DNAJC10: variants seen among roughly 807,000 people sequenced by gnomAD.
The protein encoded by DNAJC10 is DnaJ heat shock protein family (Hsp40) member C10.
Under a neutral mutation model 115.0 loss-of-function variants are expected in DNAJC10, and 101 were observed. The observed-to-expected ratio is 0.88, with a 90% CI of 0.75 to 1.04. The LOEUF is 1.04. DNAJC10 is among the 50% of genes least tolerant of loss of function. The pLI is 0.00. For synonymous variants in DNAJC10, 307 were observed against 301.5 expected (o/e 1.02, Z -0.19); for missense variants, 981 against 928.8 (o/e 1.06, Z -0.73).
intron 17 of DNAJC10, among the ~76,000 whole-genome samples, chr2:182,755,418 G>A (rs1159094777): frequency 3.4e-5 from 5 of 146,526 alleles, no homozygotes; most frequent in Non-Finnish European, 5.9e-5. Flanking sequence ...GAAAACAAGT[G>A]TCTGGCATCT....
intron 17 of DNAJC10, among the ~76,000 whole-genome samples, chr2:182,755,508 A>T (rs1694136018): frequency 6.6e-6 from 1 of 151,536 alleles, no homozygotes; most frequent in Non-Finnish European, 1.5e-5. Flanking sequence ...AAAAAAAAGA[A>T]AATTTCTAGT....
rs748192603 is a variant in DNAJC10, at chr2:182,743,732, A to G, written c.1306+20A>G. The G allele has an allele frequency of 8.6e-6, 13 of 1,513,818 alleles. No homozygotes were observed. In the East Asian group the frequency reaches 2.5e-4, roughly 29 times the overall value. The allele number at this position is 1,513,818 out of a possible 1,614,324, so 93.8% of individuals were successfully genotyped here. ...ATCATGGTAAGAATGGAAAAAAATGATAAAAAAAAACTTAGCTTCATTTTC... is the reference window on the plus strand; with the variant it reads ...ATCATGGTAAGAATGGAAAAAAATGGTAAAAAAAAACTTAGCTTCATTTTC... On this transcript the variant is annotated intron_variant, in intron 14 of 23. Coordinates refer to ENST00000264065, the MANE Select transcript of DNAJC10 (RefSeq NM_018981.4).
Position 182,757,673 on chromosome 2 carries a change from T to G in DNAJC10, c.1810-19T>G. 2.0e-6 allele frequency: 3 copies of G among 1,488,638 alleles called. No individual in the cohort carries two copies. Among genetic ancestry groups the G allele is most frequent in the Non-Finnish European group, 2.7e-6 (3 of 1,118,146 alleles). 92.2% of individuals were successfully genotyped at this position (1,488,638 alleles called of 1,614,324 possible). A position where few individuals can be genotyped will look rare whatever the true frequency, so the allele number is the denominator to read the frequency against. On this transcript the variant is annotated intron_variant, in intron 18 of 23. Transcript: ENST00000264065. The stretch of plus-strand genomic sequence containing the variant: ...CATATGTAAAAAGTTATGGAGGTAA[T>G]CTGTTTTTTCTTTTACAGACATTAA...
At chr2:182,769,403 T>A (rs1694501592) in intron 22 of DNAJC10, among the ~76,000 whole-genome samples, 1 of 152,208 alleles carries the variant, frequency 6.6e-6, no homozygotes, top group Non-Finnish European at 1.5e-5. Flanking sequence ...ATCGCCACAC[T>A]GTCTTACACA....
At chr2:182,749,240 A>G (rs1693952573) in intron 14 of DNAJC10, among the ~76,000 whole-genome samples, 1 of 129,502 alleles carries the variant, frequency 7.7e-6, no homozygotes, top group Admixed American at 7.8e-5. Flanking sequence ...TGATCTGTCT[A>G]ATGTTGACAG....
At chr2:182,775,732 GATAA>G (rs747108333) in intron 23 of DNAJC10, among the ~76,000 whole-genome samples, 7 of 152,190 alleles carry the variant, frequency 4.6e-5, no homozygotes, top group Non-Finnish European at 5.9e-5. Flanking sequence ...TCAACTGACA[GATAA>G]ATGAAATGTG....
intron 4 of DNAJC10, among the ~76,000 whole-genome samples, chr2:182,721,146 A>C (rs991791851): frequency 6.6e-6 from 1 of 152,192 alleles, no homozygotes; most frequent in Non-Finnish European, 1.5e-5. Context: ...CCTCAAATGC[A>C]GGCTAAGAAC....
At chr2:182,750,701 A>G (rs1340991417) in intron 14 of DNAJC10, among the ~76,000 whole-genome samples, 1 of 152,234 alleles carries the variant, frequency 6.6e-6, no homozygotes, top group African/African-American at 2.4e-5. Flanking sequence ...GTTACAATGT[A>G]CTGAATACCA....
intron 22 of DNAJC10, 89 bp from the exon 23 acceptor site, chr2:182,775,227 A>G (rs1694674531): frequency 2.4e-6 from 2 of 824,768 alleles, no homozygotes; most frequent in African/African-American, 3.5e-5. Context: ...GAACAAAAGA[A>G]CTTGAAAGCA....
intron 18 of DNAJC10, among the ~76,000 whole-genome samples, chr2:182,757,085 A>C (rs1334951720): frequency 6.6e-6 from 1 of 152,034 alleles, no homozygotes; most frequent in Non-Finnish European, 1.5e-5. Flanking sequence ...TAAAAGTAAG[A>C]AAAAAAAGCT....
rs1277364624 is a variant in DNAJC10 at position 182,789,740 on chromosome 2, G to A, written c.*12608G>A. On this transcript the variant is annotated 3_prime_UTR_variant, in exon 24 of 24. Transcript: ENST00000264065. Reference sequence around the variant, plus strand: ...AGTAATTCTATTTTTAATATGGGGGGACCTCCATACTGTTTTTCATAGCAG... The same window carrying A: ...AGTAATTCTATTTTTAATATGGGGGAACCTCCATACTGTTTTTCATAGCAG... 6.6e-6 allele frequency: 1 copy of A among 151,926 alleles called. No homozygotes were observed. The highest frequency in any genetic ancestry group is 2.4e-5 in the African/African-American group (1 of 41,322). 9.4% of individuals were successfully genotyped at this position (151,926 alleles called of 1,614,324 possible). A position where few individuals can be genotyped will look rare whatever the true frequency, so the allele number is the denominator to read the frequency against.
intron 2 of DNAJC10, among the ~76,000 whole-genome samples, chr2:182,717,343 C>G (rs1693020405): frequency 6.6e-6 from 1 of 152,150 alleles, no homozygotes; most frequent in Non-Finnish European, 1.5e-5. Context: ...TGTTTTTCTA[C>G]TATTTTTAAA....
chr2:182,733,262 A>G (rs902214822), intron 10 of DNAJC10, among the ~76,000 whole-genome samples: 2 of 151,812 alleles, frequency 1.3e-5, no homozygotes, highest in African/African-American at 2.4e-5. Flanking sequence ...TTTGGCGGCT[A>G]TTTATTTCTC....
In DNAJC10 at chr2:182,779,612, G is replaced by A. The variant is rs1694796900; in HGVS notation, c.*2480G>A. 6.6e-6 allele frequency: 1 copy of A among 152,058 alleles called. No individual in the cohort carries two copies. Among genetic ancestry groups the A allele is most frequent in the Non-Finnish European group, 1.5e-5 (1 of 67,996 alleles). 9.4% of individuals were successfully genotyped at this position (152,058 alleles called of 1,614,324 possible). ...AAATTATGTTTTGGGCATTAATGAT[G>A]TTTGTCTATTCTGATTTCTCAAATT... On this transcript the variant is annotated 3_prime_UTR_variant, in exon 24 of 24. Transcript: ENST00000264065.
In DNAJC10 at chr2:182,720,066, A is replaced by G. The variant is rs1402562256; in HGVS notation, c.264A>G (p.Lys88=). 1 of 1,605,962 alleles carries G rather than the reference A, an allele frequency of 6.2e-7. No individual in the cohort carries two copies. Among genetic ancestry groups the G allele is most frequent in the Non-Finnish European group, 8.5e-7 (1 of 1,172,922 alleles). ...LKINRAYEVL[K]DEDLRKKYDK... ...TAAATAGAGCATATGAAGTACTCAAAGATGAAGATCTACGGAAAAAGTATG... is the reference window on the plus strand; with the variant it reads ...TAAATAGAGCATATGAAGTACTCAAGGATGAAGATCTACGGAAAAAGTATG... The change falls in exon 4 of 24, where the codon AAA becomes AAG. Residue 88 remains lysine (K), a synonymous_variant. Coordinates refer to ENST00000264065, the MANE Select transcript of DNAJC10 (RefSeq NM_018981.4).
intron 22 of DNAJC10, among the ~76,000 whole-genome samples, chr2:182,766,463 A>T (rs1292013800): frequency 6.6e-6 from 1 of 152,210 alleles, no homozygotes; most frequent in Non-Finnish European, 1.5e-5. Flanking sequence ...ACTATACACC[A>T]TGTAAGCAGA....
At chr2:182,755,253 T>G (rs1694128116) in intron 17 of DNAJC10, 149 bp downstream of exon 17, 1 of 623,270 alleles carries the variant, frequency 1.6e-6, no homozygotes, top group Non-Finnish European at 2.9e-6. Context: ...TTTCTAATGT[T>G]TTACTCTTCT....
intron 8 of DNAJC10, 61 bp from the exon 9 acceptor site, chr2:182,730,969 G>A (rs890415195): frequency 1.8e-6 from 2 of 1,132,114 alleles, no homozygotes; most frequent in Non-Finnish European, 2.6e-6. Context: ...TTAGAAGACT[G>A]TTTCCATTAG....
At chr2:182,748,470 A>T (rs1430398682) in intron 14 of DNAJC10, among the ~76,000 whole-genome samples, 2 of 152,160 alleles carry the variant, frequency 1.3e-5, no homozygotes, top group East Asian at 3.8e-4. Context: ...ATAGTGTATG[A>T]GTCGAGGAAC....
Sources: allele counts gnomAD v4.1 joint callset (sites outside exome capture counted in the v4.1 genomes callset), GRCh38; gene constraint gnomAD v4.1.1; transcripts MANE v1.5; gene names NCBI Gene and HGNC (gene_info 2026-07-23, HGNC 2026-07-21).